The following ETS1 variants were observed in gnomAD, a reference collection of about 807,000 sequenced individuals.
ETS1 encodes ETS proto-oncogene 1, transcription factor, also known as protein C-ets-1.
ETS1 carries 15 observed loss-of-function variants against 58.6 expected under a neutral mutation model. The observed-to-expected ratio is 0.26, with a 90% CI of 0.17 to 0.39. ETS1 has a LOEUF of 0.39. Ranked by LOEUF, ETS1 falls within the 10% of genes least tolerant of loss-of-function variation. The probability of loss-of-function intolerance (pLI) is 1.00; values close to 1 mark genes in which losing one functional copy is unlikely to be tolerated. For synonymous variants in ETS1, 214 were observed against 218.2 expected (o/e 0.98, Z 0.17); for missense variants, 417 against 610.5 (o/e 0.68, Z 3.34).
rs1483679522 is a variant in ETS1 at position 128,584,985 on chromosome 11, A to AG, written c.-15+2502dup. ...AAGAAAGAAAGAAAGAAAGAAAGAA[A>AG]GAAAGGAAGGAAGGAAGGAAAGAAA... On this transcript the variant is annotated intron_variant, in intron 1 of 9. Transcript: ENST00000392668. Among the ~76,000 whole-genome samples, 59 of 62,068 alleles carry AG rather than the reference A, an allele frequency of 9.5e-4. 3 individuals are homozygous for AG. Among genetic ancestry groups the AG allele is most frequent in the African/African-American group, 1.7e-3 (21 of 12,202 alleles). The allele number at this position is 62,068 out of a possible 152,430, so 40.7% of individuals were successfully genotyped here. A position where few individuals can be genotyped will look rare whatever the true frequency, so the allele number is the denominator to read the frequency against.
chr11:128,501,489 C>T (rs939879038), intron 3 of ETS1, among the ~76,000 whole-genome samples: 2 of 152,206 alleles, frequency 1.3e-5, no homozygotes, highest in South Asian at 2.1e-4. Flanking sequence ...CACTTTGTTT[C>T]GATCCATGTT....
At chr11:128,552,985 A>T (rs1864255770) in intron 3 of ETS1, among the ~76,000 whole-genome samples, 1 of 151,998 alleles carries the variant, frequency 6.6e-6, no homozygotes, top group African/African-American at 2.4e-5. Context: ...AGGTTGAGGG[A>T]CAGAATAGAG....
At chr11:128,496,037 A>C (rs4307736) in intron 3 of ETS1, among the ~76,000 whole-genome samples, 98,622 of 151,912 alleles carry the variant, frequency 0.65, 32,553 homozygotes, top group Middle Eastern at 0.82. Context: ...TAATCCCAGA[A>C]AACAAGTCAT....
intron 1 of ETS1, among the ~76,000 whole-genome samples, chr11:128,577,284 T>C (rs1864770253): frequency 6.6e-6 from 1 of 152,228 alleles, no homozygotes; most frequent in Non-Finnish European, 1.5e-5. Context: ...TCAGTTTGTT[T>C]CATGATCCAT....
At chr11:128,543,526 G>A (rs1018258363) in intron 3 of ETS1, among the ~76,000 whole-genome samples, 2 of 152,020 alleles carry the variant, frequency 1.3e-5, no homozygotes, top group Non-Finnish European at 2.9e-5. Context: ...TCCCTCCTTA[G>A]CCCCAAAAAT....
intron 3 of ETS1, among the ~76,000 whole-genome samples, chr11:128,542,280 A>G (rs1864068324): frequency 6.6e-6 from 1 of 152,184 alleles, no homozygotes; most frequent in African/African-American, 2.4e-5. Flanking sequence ...GTCTATGACT[A>G]TGGACTTCTC....
intron 3 of ETS1, among the ~76,000 whole-genome samples, chr11:128,515,848 A>C (rs1251496133): frequency 6.6e-6 from 1 of 152,208 alleles, no homozygotes; most frequent in Non-Finnish European, 1.5e-5. Flanking sequence ...TACAAGAAAG[A>C]ACAATTGAGA....
chr11:128,548,676 C>T (rs1565405560), intron 3 of ETS1, among the ~76,000 whole-genome samples: 2 of 152,230 alleles, frequency 1.3e-5, no homozygotes. Context: ...GGCCGAAGGG[C>T]GAGGTTCGGG....
chr11:128,481,702 A>G (rs1353149919), intron 7 of ETS1, among the ~76,000 whole-genome samples: 2 of 152,232 alleles, frequency 1.3e-5, no homozygotes, highest in African/African-American at 2.4e-5. Flanking sequence ...ATACAACTTC[A>G]TATTAGTGTG....
intron 3 of ETS1, among the ~76,000 whole-genome samples, chr11:128,538,789 C>T (rs1254334717): frequency 7.1e-6 from 1 of 140,118 alleles, no homozygotes; most frequent in African/African-American, 2.7e-5. Flanking sequence ...CACACACACA[C>T]ACCAAACCAG....
intron 8 of ETS1, 136 bp downstream of exon 8, chr11:128,480,055 T>C: frequency 8.4e-7 from 1 of 1,192,762 alleles, no homozygotes; most frequent in Non-Finnish European, 1.1e-6. Flanking sequence ...TAAAGAATTC[T>C]TAGAGAGACT....
At chr11:128,512,453 G>C (rs1863416603) in intron 3 of ETS1, among the ~76,000 whole-genome samples, 1 of 152,188 alleles carries the variant, frequency 6.6e-6, no homozygotes, top group African/African-American at 2.4e-5. Flanking sequence ...GGGTAACTGC[G>C]ACAGACCTTT....
rs1365075336 is a variant in ETS1, at chr11:128,556,404, G to A, written c.101C>T (p.Pro34Leu). The A allele has an allele frequency of 6.2e-7, 1 of 1,612,720 alleles. No homozygotes were observed. Among genetic ancestry groups the A allele is most frequent in the Non-Finnish European group, 8.5e-7 (1 of 1,179,156 alleles). The change falls in exon 3 of 10, where the codon CCT becomes CTT. Residue 34 changes from proline (P) to leucine (L), a missense_variant. Transcript: ENST00000392668. The part of the protein sequence containing the change: ...RQGPSNTYED[P>L]RMNCGFQSNY... ...GGACTGGAAACCACAGTTCATTCGA[G>A]GATCTTCATAAGTGTTGCTAGGTCC...
At chr11:128,567,077 A>G (rs377542754) in intron 2 of ETS1, among the ~76,000 whole-genome samples, 15 of 152,214 alleles carry the variant, frequency 9.9e-5, no homozygotes, top group African/African-American at 3.4e-4. Flanking sequence ...AATTGCCCAA[A>G]AGGTTTTGTG....
intron 2 of ETS1, among the ~76,000 whole-genome samples, chr11:128,567,019 A>G (rs1864517467): frequency 6.6e-6 from 1 of 152,236 alleles, no homozygotes; most frequent in Non-Finnish European, 1.5e-5. Context: ...TCAATCAACC[A>G]GTCGATCAAT....
chr11:128,524,208 T>C (rs1424442508), intron 3 of ETS1, among the ~76,000 whole-genome samples: 4 of 152,218 alleles, frequency 2.6e-5, no homozygotes, highest in East Asian at 1.9e-4. Flanking sequence ...AAGCCCACCA[T>C]GATTAAACTG....
intron 3 of ETS1, chr11:128,536,303 A>C (rs1863971908): frequency 6.6e-6 from 1 of 152,260 alleles, no homozygotes; most frequent in Non-Finnish European, 1.5e-5. Flanking sequence ...GTAAACTATA[A>C]GGCAGAAATA....
At chr11:128,571,440 C>T (rs370544000) in intron 2 of ETS1, among the ~76,000 whole-genome samples, 5 of 127,122 alleles carry the variant, frequency 3.9e-5, no homozygotes, top group African/African-American at 1.2e-4. Flanking sequence ...AGCGAGACTC[C>T]GTCCAGCCTG....
chr11:128,569,791 A>T lies in ETS1; in HGVS notation c.69+3271T>A, dbSNP rs182694200. Among the ~76,000 whole-genome samples, 3 of 152,350 alleles carry T rather than the reference A, an allele frequency of 2.0e-5. No homozygotes were observed. The East Asian group carries it at 5.8e-4, about 29-fold the overall frequency. Reference sequence around the variant, plus strand: ...TCTGGAAGGTTGCCTAAATCGTTTCAGGGACAGAGAAACTGAGGCCCAGAG... The same window carrying T: ...TCTGGAAGGTTGCCTAAATCGTTTCTGGGACAGAGAAACTGAGGCCCAGAG... On this transcript the variant is annotated intron_variant, in intron 2 of 9. Transcript: ENST00000392668.
Sources: allele counts gnomAD v4.1 joint callset (sites outside exome capture counted in the v4.1 genomes callset), GRCh38; gene constraint gnomAD v4.1.1; transcripts MANE v1.5; gene names NCBI Gene and HGNC (gene_info 2026-07-23, HGNC 2026-07-21).